ALOX5: variants seen among roughly 807,000 people sequenced by gnomAD.
ALOX5 encodes the protein arachidonate 5-lipoxygenase, also known as polyunsaturated fatty acid 5-lipoxygenase.
Under a neutral mutation model 87.9 loss-of-function variants are expected in ALOX5, and 64 were observed. That is an observed-to-expected ratio of 0.73 (90% CI 0.60 to 0.90). The LOEUF (loss-of-function observed/expected upper bound fraction) is 0.90. ALOX5 is among the 40% of genes least tolerant of loss of function. The pLI is 0.00. For missense variants in ALOX5, 822 were observed against 907.5 expected (o/e 0.91, Z 1.21); for synonymous variants, 388 against 355.1 (o/e 1.09, Z -1.04).
intron 7 of ALOX5, among the ~76,000 whole-genome samples, chr10:45,430,133 C>T (rs891528346): frequency 2.4e-4 from 36 of 152,294 alleles, no homozygotes; most frequent in Admixed American, 2.0e-3. Flanking sequence ...CCGGAGATCC[C>T]AGGCACCACT....
chr10:45,416,355 T>C (rs182939241), intron 4 of ALOX5, among the ~76,000 whole-genome samples: 3 of 152,252 alleles, frequency 2.0e-5, no homozygotes, highest in East Asian at 1.9e-4. Context: ...CCTACCACAA[T>C]TGGGGTCTAC....
intron 3 of ALOX5, among the ~76,000 whole-genome samples, chr10:45,409,503 CTGTCTG>C (rs1458919641): frequency 8.2e-6 from 1 of 121,664 alleles, no homozygotes; most frequent in East Asian, 3.2e-4. Context: ...ATCTCTCTGT[CTGTCTG>C]TCTCTCTCTC....
chr10:45,423,594 TCTC>T (rs879007199), intron 4 of ALOX5, among the ~76,000 whole-genome samples: 1 of 152,198 alleles, frequency 6.6e-6, no homozygotes, highest in Admixed American at 6.5e-5. Context: ...TTTGGAAACT[TCTC>T]CTCAGCACCA....
At chr10:45,419,162 C>T (rs1490476452) in intron 4 of ALOX5, among the ~76,000 whole-genome samples, 2 of 152,248 alleles carry the variant, frequency 1.3e-5, no homozygotes, top group Admixed American at 1.3e-4. Context: ...AAACTGGGAG[C>T]CGTGACTGTC....
At chr10:45,377,444 C>G (rs900211533) in intron 1 of ALOX5, among the ~76,000 whole-genome samples, 1 of 151,834 alleles carries the variant, frequency 6.6e-6, no homozygotes, top group Non-Finnish European at 1.5e-5. Context: ...TCTGAATTTT[C>G]CTCTACACTC....
Position 45,437,416 on chromosome 10 carries a change from G to GT in ALOX5, c.982-3004dup, listed in dbSNP as rs36025124. 4.0e-3 allele frequency among the ~76,000 whole-genome samples: 600 copies of GT among 149,244 alleles called. 13 individuals are homozygous for GT. The East Asian group carries it at 0.054, about 13-fold the overall frequency. On this transcript the variant is annotated intron_variant, in intron 7 of 13. Transcript: ENST00000374391. ...GTATCTTGAGTGTAGAAAGTCAAAA[G>GT]TTTTTTTTTTGTTAAGGAGTAAATT...
chr10:45,374,464 T>A (rs1839508553), intron 1 of ALOX5, 35 bp downstream of exon 1: 4 of 1,492,660 alleles, frequency 2.7e-6, no homozygotes, highest in Non-Finnish European at 2.7e-6. Context: ...GAGCGCGGGC[T>A]GAGGTGCGTC....
intron 2 of ALOX5, among the ~76,000 whole-genome samples, chr10:45,394,715 G>A (rs1010905726): frequency 6.6e-6 from 1 of 152,138 alleles, no homozygotes; most frequent in East Asian, 1.9e-4. Context: ...ATCTGACAAA[G>A]GGCTAATATC....
intron 2 of ALOX5, among the ~76,000 whole-genome samples, chr10:45,392,097 C>T (rs946021234): frequency 6.6e-6 from 1 of 151,550 alleles, no homozygotes; most frequent in African/African-American, 2.4e-5. Flanking sequence ...GGGGTCAGCC[C>T]CCCGCCCGGC....
chr10:45,402,847 GA>G (rs1241058986), intron 3 of ALOX5, among the ~76,000 whole-genome samples: 3 of 152,190 alleles, frequency 2.0e-5, no homozygotes, highest in African/African-American at 7.2e-5. Flanking sequence ...CAAGAAGTTT[GA>G]GTACTTACTG....
intron 12 of ALOX5, 44 bp from the exon 13 acceptor site, chr10:45,444,072 A>T: frequency 1.3e-6 from 2 of 1,496,432 alleles, no homozygotes; most frequent in Non-Finnish European, 1.8e-6. Context: ...GCTGGGCAGC[A>T]GGGCTTCGGG....
At chr10:45,416,813 TGGTG>T (rs1384934308) in intron 4 of ALOX5, among the ~76,000 whole-genome samples, 1 of 151,494 alleles carries the variant, frequency 6.6e-6, no homozygotes, top group Non-Finnish European at 1.5e-5. Context: ...GATTCATGGA[TGGTG>T]GATGGATGGA....
intron 12 of ALOX5, 86 bp from the exon 13 acceptor site, chr10:45,444,030 G>T: frequency 6.8e-7 from 1 of 1,463,390 alleles, no homozygotes; most frequent in South Asian, 1.4e-5. Flanking sequence ...GCTGGAGTTG[G>T]GGGGCACGGG....
intron 1 of ALOX5, among the ~76,000 whole-genome samples, chr10:45,377,733 A>G (rs1423681012): frequency 6.6e-6 from 1 of 152,076 alleles, no homozygotes; most frequent in Non-Finnish European, 1.5e-5. Flanking sequence ...GGGGTGGGGC[A>G]CACATCCTTG....
intron 10 of ALOX5, 52 bp downstream of exon 10, chr10:45,443,268 G>T: frequency 6.3e-7 from 1 of 1,592,830 alleles, no homozygotes; most frequent in Non-Finnish European, 8.6e-7. Flanking sequence ...ACCCCTGCCT[G>T]ACTACCTGGG....
chr10:45,422,132 A>AC (rs1396808623), intron 4 of ALOX5, among the ~76,000 whole-genome samples: 1 of 151,762 alleles, frequency 6.6e-6, no homozygotes, highest in Admixed American at 6.6e-5. Context: ...GGCAGGAGAG[A>AC]CCCCCAGTGT....
intron 3 of ALOX5, among the ~76,000 whole-genome samples, chr10:45,406,019 C>A (rs1448028206): frequency 1.3e-5 from 2 of 152,260 alleles, no homozygotes; most frequent in South Asian, 2.1e-4. Flanking sequence ...GATGATGATA[C>A]CCACGGTACA....
Position 45,445,680 on chromosome 10 carries a change from C to T in ALOX5, c.2018C>T (p.Ala673Val). The change falls in exon 14 of 14, where the codon GCC becomes GTC. Residue 673 changes from alanine to valine, a missense_variant. Ala to Val is a moderately conservative substitution (Grantham distance 64). Coordinates refer to ENST00000374391, the MANE Select transcript of ALOX5 (RefSeq NM_000698.5). Reference sequence around the variant, plus strand: ...CCAGACCGGATTCCGAACAGTGTGGCCATCTGAGCACACTGCCAGTCTCAC... The same window carrying T: ...CCAGACCGGATTCCGAACAGTGTGGTCATCTGAGCACACTGCCAGTCTCAC... ...LSPDRIPNSVAI is the reference protein window; with the variant it reads ...LSPDRIPNSVVI 1.2e-6 allele frequency: 2 copies of T among 1,611,728 alleles called. No individual in the cohort carries two copies. The highest frequency in any genetic ancestry group is 1.7e-6 in the Non-Finnish European group (2 of 1,178,284).
At chr10:45,418,223 A>G (rs1841364817) in intron 4 of ALOX5, among the ~76,000 whole-genome samples, 1 of 152,240 alleles carries the variant, frequency 6.6e-6, no homozygotes, top group South Asian at 2.1e-4. Context: ...GGGCTGGACC[A>G]CAAGGAAGCA....
Sources: allele counts gnomAD v4.1 joint callset (sites outside exome capture counted in the v4.1 genomes callset), GRCh38; gene constraint gnomAD v4.1.1; transcripts MANE v1.5; gene names NCBI Gene and HGNC (gene_info 2026-07-23, HGNC 2026-07-21).